The following CEP128 variants were observed in gnomAD, a reference collection of about 807,000 sequenced individuals.
CEP128 encodes centrosomal protein 128kDa.
Under a neutral mutation model 156.7 loss-of-function variants are expected in CEP128, and 132 were observed. The ratio of observed to expected loss-of-function variants is 0.84; its 90% CI spans 0.73 to 0.97. The LOEUF (loss-of-function observed/expected upper bound fraction) is 0.97. CEP128 is among the 50% of genes least tolerant of loss of function. The pLI, the probability that CEP128 is intolerant of heterozygous loss-of-function variation, is 0.00. For synonymous variants in CEP128, 469 were observed against 448.9 expected (o/e 1.04, Z -0.57); for missense variants, 1,252 against 1,281.9 (o/e 0.98, Z 0.36).
chr14:80,798,133 C>T (rs1401696793), intron 13 of CEP128, among the ~76,000 whole-genome samples: 1 of 152,110 alleles, frequency 6.6e-6, no homozygotes, highest in African/African-American at 2.4e-5. Context: ...CCATACATTG[C>T]CAAAAGGCTT....
intron 13 of CEP128, among the ~76,000 whole-genome samples, chr14:80,800,596 T>C (rs1198443162): frequency 1.3e-5 from 2 of 152,218 alleles, no homozygotes; most frequent in East Asian, 3.8e-4. Flanking sequence ...TAAGTTGCCA[T>C]GTTCCTTCTA....
chr14:80,844,622 G>A (rs1446245059), intron 9 of CEP128, among the ~76,000 whole-genome samples: 2 of 152,020 alleles, frequency 1.3e-5, no homozygotes, highest in Non-Finnish European at 2.9e-5. Flanking sequence ...AGTTAAGTAG[G>A]ATTGATCATA....
chr14:80,926,450 C>T (rs1056790471), intron 2 of CEP128, among the ~76,000 whole-genome samples: 1 of 152,120 alleles, frequency 6.6e-6, no homozygotes, highest in Non-Finnish European at 1.5e-5. Flanking sequence ...GGAACATTAC[C>T]CCTGCGACCA....
chr14:80,666,807 A>C (rs950543544), intron 19 of CEP128, among the ~76,000 whole-genome samples: 18 of 152,148 alleles, frequency 1.2e-4, no homozygotes, highest in African/African-American at 4.3e-4. Flanking sequence ...AGAGGGATAG[A>C]AAGTAACAAA....
At chr14:80,628,838 A>ATG (rs201936941) in intron 19 of CEP128, among the ~76,000 whole-genome samples, 53,051 of 151,424 alleles carry the variant, frequency 0.35, 10,993 homozygotes, top group African/African-American at 0.59. Flanking sequence ...TCACATATAT[A>ATG]TATGTATAGT....
At chr14:80,495,648 A>C (rs1451913325), downstream of CEP128, among the ~76,000 whole-genome samples, 1 of 152,058 alleles carries the variant, frequency 6.6e-6, no homozygotes, top group South Asian at 2.1e-4. Flanking sequence ...TTACATTTTC[A>C]GGTCTAATTG....
chr14:80,594,813 T>C (rs1383973835), intron 19 of CEP128, among the ~76,000 whole-genome samples: 1 of 152,146 alleles, frequency 6.6e-6, no homozygotes, highest in Non-Finnish European at 1.5e-5. Flanking sequence ...CATTAAAAAG[T>C]CAGGAAACAA....
At chr14:80,571,780 C>T (rs1595024277) in intron 20 of CEP128, among the ~76,000 whole-genome samples, 2 of 150,792 alleles carry the variant, frequency 1.3e-5, no homozygotes, top group South Asian at 2.1e-4. Flanking sequence ...GAAAAAGAGG[C>T]CAGGATCCTA....
At chr14:80,660,589 C>G (rs1895357814) in intron 19 of CEP128, among the ~76,000 whole-genome samples, 1 of 152,134 alleles carries the variant, frequency 6.6e-6, no homozygotes, top group Admixed American at 6.6e-5. Flanking sequence ...ACTACCAGAT[C>G]ATTACCTTGT....
intron 2 of CEP128, among the ~76,000 whole-genome samples, chr14:80,918,956 C>T (rs1273354455): frequency 1.3e-5 from 2 of 151,992 alleles, no homozygotes; most frequent in African/African-American, 2.4e-5. Context: ...AATAATTATG[C>T]CTGGCATCTG....
At chr14:80,708,561 C>T (rs1037680866) in intron 19 of CEP128, among the ~76,000 whole-genome samples, 1 of 151,964 alleles carries the variant, frequency 6.6e-6, no homozygotes, top group Non-Finnish European at 1.5e-5. Context: ...AGGTTAGTTA[C>T]ATATGTATCC....
At chr14:80,613,915 A>T (rs1893108802) in intron 19 of CEP128, among the ~76,000 whole-genome samples, 1 of 152,204 alleles carries the variant, frequency 6.6e-6, no homozygotes, top group Non-Finnish European at 1.5e-5. Flanking sequence ...CACCATAATA[A>T]GGAAATTGTA....
intron 19 of CEP128, among the ~76,000 whole-genome samples, chr14:80,674,859 A>G (rs1018615794): frequency 2.0e-5 from 3 of 152,082 alleles, no homozygotes; most frequent in Non-Finnish European, 4.4e-5. Context: ...AAAATAACCC[A>G]TACATCTTGC....
chr14:80,771,151 C>T (rs1900490772), intron 16 of CEP128, among the ~76,000 whole-genome samples: 2 of 152,142 alleles, frequency 1.3e-5, no homozygotes, highest in Non-Finnish European at 2.9e-5. Flanking sequence ...TTAGATTTTT[C>T]TAACAAAATC....
intron 8 of CEP128, among the ~76,000 whole-genome samples, chr14:80,874,174 G>A (rs228128): frequency 0.49 from 74,853 of 151,958 alleles, 18,944 homozygotes; most frequent in African/African-American, 0.57. Flanking sequence ...ATTAGAAAAC[G>A]TACCCTGGGT....
At chr14:80,560,223 C>T (rs1164172170) in intron 20 of CEP128, among the ~76,000 whole-genome samples, 2 of 152,070 alleles carry the variant, frequency 1.3e-5, no homozygotes, top group Non-Finnish European at 2.9e-5. Flanking sequence ...GCCAGGAGTT[C>T]GAGACCAGCC....
Position 80,859,649 on chromosome 14 carries a change from C to T in CEP128, c.762+3108G>A, listed in dbSNP as rs373892991. Among the ~76,000 whole-genome samples, 8 of 152,138 alleles carry T rather than the reference C, an allele frequency of 5.3e-5. No individual in the cohort carries two copies. In the East Asian group the frequency reaches 7.7e-4, roughly 15 times the overall value. On this transcript the variant is annotated intron_variant, in intron 9 of 24. Coordinates refer to ENST00000555265, the MANE Select transcript of CEP128 (RefSeq NM_152446.5). ...TGAGGCTCAAAAAAGGAAGTGGATT[C>T]CTGGGCGTGCATGGCCCTTTTGTTC...
downstream of CEP128, among the ~76,000 whole-genome samples, chr14:80,489,882 C>G (rs1488288826): frequency 2.2e-5 from 3 of 136,970 alleles, no homozygotes; most frequent in Admixed American, 2.4e-4. Flanking sequence ...TTGTATCTGA[C>G]ATTTGACATA....
intron 9 of CEP128, among the ~76,000 whole-genome samples, chr14:80,841,167 A>G (rs192957466): frequency 6.6e-6 from 1 of 152,308 alleles, no homozygotes; most frequent in Admixed American, 6.5e-5. Context: ...CTATGTTAGA[A>G]CAAAATTAAA....
Sources: gnomAD v4.1 joint callset for allele counts (sites outside exome capture counted in the v4.1 genomes callset) on GRCh38, gnomAD v4.1.1 for gene constraint, MANE v1.5 for transcripts, NCBI Gene and HGNC (gene_info 2026-07-23, HGNC 2026-07-21) for gene names.